MBOAT1: variants seen among roughly 807,000 people sequenced by gnomAD.
MBOAT1 encodes membrane bound glycerophospholipid O-acyltransferase 1.
Under a neutral mutation model 64.4 loss-of-function variants are expected in MBOAT1, and 67 were observed. The ratio of observed to expected loss-of-function variants is 1.04; its 90% CI spans 0.85 to 1.27. The LOEUF (loss-of-function observed/expected upper bound fraction) is 1.27, where lower values mean the gene tolerates loss of function less well. MBOAT1 is among the 50% of genes most tolerant of loss of function. The pLI is 0.00. For missense variants in MBOAT1, 563 were observed against 604.6 expected, an observed-to-expected ratio of 0.93 and a Z score of 0.72; for synonymous variants, 229 against 218.9, an observed-to-expected ratio of 1.05 and a Z score of -0.41.
In MBOAT1 at chr6:20,128,703, T is replaced by C. The variant is rs746927625; in HGVS notation, c.526A>G (p.Ile176Val). 2.1e-5 allele frequency: 33 copies of C among 1,608,980 alleles called. No homozygotes were observed. Among genetic ancestry groups the C allele is most frequent in the Non-Finnish European group, 2.5e-5 (30 of 1,177,946 alleles). ...ATATCGTTACACTTCACTTACTTGA[T>C]AGCAAGTCGATGTTGTTCAGCAGAA... ...DLSAEQHRLA[I>V]KVKPSFLEYL... is the part of the protein sequence containing the mutation. Residue 176 changes from isoleucine to valine, a missense_variant, in exon 6 of 13, where the codon ATC (isoleucine) becomes GTC (valine). Ile to Val is a conservative substitution (Grantham distance 29, BLOSUM62 3). Coordinates refer to ENST00000324607, the MANE Select transcript of MBOAT1 (RefSeq NM_001080480.3).
chr6:20,111,857 T>TATACATATATATACATATATATAC (rs1214814951), intron 11 of MBOAT1, among the ~76,000 whole-genome samples: 1 of 113,908 alleles, frequency 8.8e-6, no homozygotes, highest in Non-Finnish European at 1.7e-5. Flanking sequence ...CATATATATA[T>TATACATATATATACATATATATAC]ACATATATAT....
At chr6:20,145,873 C>T (rs943457892) in intron 3 of MBOAT1, among the ~76,000 whole-genome samples, 2 of 152,218 alleles carry the variant, frequency 1.3e-5, no homozygotes, top group South Asian at 2.1e-4. Context: ...TTGGCTTGGT[C>T]TTACTCCATG....
intron 4 of MBOAT1, among the ~76,000 whole-genome samples, chr6:20,141,747 A>G (rs6929385): frequency 0.01 from 1,544 of 152,230 alleles, 34 homozygotes; most frequent in African/African-American, 0.034. Flanking sequence ...GGCAAAAGGA[A>G]GGACAGCCAG....
At position 20,163,281 on chromosome 6, in the gene MBOAT1, A is replaced by T. The variant is rs1364376385; in HGVS notation, c.100-10512T>A. ...GGACTCTTAAAAAACCCTGTCCACA[A>T]GCACGCTGTTACTCCTCACCTCTGG... On this transcript the variant is annotated intron_variant, in intron 1 of 12. Transcript: ENST00000324607. Among the ~76,000 whole-genome samples, 4 of 152,352 alleles carry T rather than the reference A, an allele frequency of 2.6e-5. No individual in the cohort carries two copies. The East Asian group carries it at 7.7e-4, about 29-fold the overall frequency.
At chr6:20,159,273 C>A (rs533837614) in intron 1 of MBOAT1, among the ~76,000 whole-genome samples, 2 of 152,124 alleles carry the variant, frequency 1.3e-5, no homozygotes, top group South Asian at 2.1e-4. Flanking sequence ...CTCCCCATCG[C>A]CTGCATTACC....
chr6:20,178,340 G>C (rs112339755), intron 1 of MBOAT1, among the ~76,000 whole-genome samples: 2 of 152,132 alleles, frequency 1.3e-5, no homozygotes, highest in African/African-American at 4.8e-5. Flanking sequence ...CTGTGGGCAA[G>C]GGGGTTGGAA....
At chr6:20,206,607 T>C (rs1763274059) in intron 1 of MBOAT1, among the ~76,000 whole-genome samples, 1 of 151,978 alleles carries the variant, frequency 6.6e-6, no homozygotes, top group South Asian at 2.1e-4. Flanking sequence ...GCAGGCCGGG[T>C]CACACCCCCT....
rs576065295 is a variant in MBOAT1 at position 20,126,455 on chromosome 6, C to T, written c.714+62G>A. ...AAACTGTTTGGCTTCTTAATTAGAACCATTATTAGAGAGAGTCAACCCTGG... is the reference window on the plus strand; with the variant it reads ...AAACTGTTTGGCTTCTTAATTAGAATCATTATTAGAGAGAGTCAACCCTGG... On this transcript the variant is annotated intron_variant, in intron 7 of 12. Coordinates refer to ENST00000324607, the MANE Select transcript of MBOAT1 (RefSeq NM_001080480.3). 11 of 1,378,610 alleles carry T rather than the reference C, an allele frequency of 8.0e-6. No individual in the cohort carries two copies. In the East Asian group the frequency reaches 2.5e-4, roughly 31 times the overall value. 85.4% of individuals were successfully genotyped at this position (1,378,610 alleles called of 1,614,324 possible). A position where few individuals can be genotyped will look rare whatever the true frequency, so the allele number is the denominator to read the frequency against.
At chr6:20,165,924 AT>A (rs1762004520) in intron 1 of MBOAT1, among the ~76,000 whole-genome samples, 2 of 152,102 alleles carry the variant, frequency 1.3e-5, no homozygotes, top group African/African-American at 2.4e-5. Context: ...CATAGAGTTC[AT>A]TTTTTAGCTA....
intron 4 of MBOAT1, among the ~76,000 whole-genome samples, chr6:20,133,382 T>G (rs1288766680): frequency 1.3e-5 from 2 of 152,176 alleles, no homozygotes; most frequent in East Asian, 3.9e-4. Flanking sequence ...AAAGCTTTTT[T>G]AGACCAGACT....
chr6:20,115,327 A>C lies in MBOAT1; in HGVS notation c.1037T>G (p.Leu346Trp), dbSNP rs2113637186. ...AGCTGTCTGAATATTCCAGTTTTCC[A>C]AGTACATTTTGAAACTTGTGGCAGT... ...IETATSFKMY[L>W]ENWNIQTATW... The change falls in exon 10 of 13, where the codon TTG becomes TGG. Residue 346 changes from leucine (L) to tryptophan (W), a missense_variant. Physicochemically the swap from Leu to Trp is moderately conservative, Grantham distance 61 (BLOSUM62 -2). Transcript: ENST00000324607. 1 of 1,614,094 alleles carries C rather than the reference A, an allele frequency of 6.2e-7. No individual in the cohort carries two copies. The highest frequency in any genetic ancestry group is 1.3e-5 in the African/African-American group (1 of 75,048).
intron 1 of MBOAT1, among the ~76,000 whole-genome samples, chr6:20,190,552 T>A (rs1020256964): frequency 6.6e-6 from 1 of 152,144 alleles, no homozygotes; most frequent in East Asian, 1.9e-4. Flanking sequence ...TTTCACTCAG[T>A]ATGATTAATA....
At chr6:20,141,987 T>C (rs1004187939) in intron 4 of MBOAT1, among the ~76,000 whole-genome samples, 1 of 152,172 alleles carries the variant, frequency 6.6e-6, no homozygotes, top group Non-Finnish European at 1.5e-5. Flanking sequence ...TCCTCCTGCC[T>C]AGAATGCACA....
At chr6:20,118,318 A>G in intron 9 of MBOAT1, 119 bp downstream of exon 9, 1 of 770,924 alleles carries the variant, frequency 1.3e-6, no homozygotes, top group Non-Finnish European at 2.2e-6. Flanking sequence ...TGAGCCTGGC[A>G]ATTCCCTGAG....
intron 1 of MBOAT1, among the ~76,000 whole-genome samples, chr6:20,183,515 C>T (rs747588778): frequency 7.2e-5 from 11 of 152,154 alleles, no homozygotes; most frequent in Non-Finnish European, 1.6e-4. Flanking sequence ...AATGGCTATC[C>T]AACATCAGTA....
intron 4 of MBOAT1, among the ~76,000 whole-genome samples, chr6:20,133,847 A>T (rs1057183511): frequency 1.3e-5 from 2 of 152,172 alleles, no homozygotes; most frequent in African/African-American, 4.8e-5. Context: ...TGTACCTCTC[A>T]GATCTGGTGC....
At chr6:20,165,305 A>G (rs375134678) in intron 1 of MBOAT1, among the ~76,000 whole-genome samples, 8 of 152,022 alleles carry the variant, frequency 5.3e-5, no homozygotes, top group East Asian at 1.9e-4. Flanking sequence ...TCAAAACTAC[A>G]TGTCCAACAT....
At chr6:20,211,856 G>A (rs543804654) in intron 1 of MBOAT1, among the ~76,000 whole-genome samples, 3 of 152,158 alleles carry the variant, frequency 2.0e-5, no homozygotes, top group Non-Finnish European at 1.5e-5. Flanking sequence ...CAGGAAACGA[G>A]GCAATCCCAA....
intron 1 of MBOAT1, among the ~76,000 whole-genome samples, chr6:20,189,014 A>T (rs1762731880): frequency 6.6e-6 from 1 of 152,176 alleles, no homozygotes; most frequent in South Asian, 2.1e-4. Context: ...TGGAATTCTT[A>T]GAAAATTCCA....
Sources: gnomAD v4.1 joint callset for allele counts (sites outside exome capture counted in the v4.1 genomes callset) on GRCh38, gnomAD v4.1.1 for gene constraint, MANE v1.5 for transcripts, NCBI Gene and HGNC (gene_info 2026-07-23, HGNC 2026-07-21) for gene names.